WDR41: variants seen among roughly 807,000 people sequenced by gnomAD.
The protein encoded by WDR41 is WD repeat-containing protein 41.
A neutral mutation model predicts 69.3 loss-of-function variants in WDR41; 63 were observed. That is an observed-to-expected ratio of 0.91 (90% CI 0.74 to 1.12). The LOEUF (loss-of-function observed/expected upper bound fraction) is 1.12. WDR41 is among the 50% of genes most tolerant of loss of function. WDR41 has a pLI of 0.00. For missense variants in WDR41, 543 were observed against 534.5 expected, an observed-to-expected ratio of 1.02 and a Z score of -0.16; for synonymous variants, 185 against 192.1, an observed-to-expected ratio of 0.96 and a Z score of 0.31.
intron 6 of WDR41, among the ~76,000 whole-genome samples, chr5:77,453,384 G>A (rs973653963): frequency 5.9e-5 from 9 of 152,094 alleles, no homozygotes; most frequent in African/African-American, 1.4e-4. Flanking sequence ...AACCAAAATC[G>A]TATGTACACA....
At chr5:77,610,502 A>C (rs1235511935) in intron 1 of WDR41, among the ~76,000 whole-genome samples, 1 of 152,286 alleles carries the variant, frequency 6.6e-6, no homozygotes, top group African/African-American at 2.4e-5. Context: ...GCCAATATTC[A>C]ACATTCTTAA....
rs754331027 is a variant in WDR41 at position 77,433,235 on chromosome 5, AGAT to A, written c.1277_1279del (p.His426del). 49 of 1,613,948 alleles carry A rather than the reference AGAT, an allele frequency of 3.0e-5. No homozygotes were observed. Among genetic ancestry groups the A allele is most frequent in the Non-Finnish European group, 4.0e-5 (47 of 1,179,952 alleles). ...CTCTCCATTTTTCCACAAAATAATG[AGAT>A]GATCAGCGGAGCACGTCACTAGTCC... On this transcript the variant is annotated inframe_deletion, in exon 13 of 13. Transcript: ENST00000296679.
At chr5:77,499,726 C>T (rs917831268) in intron 1 of WDR41, 3 of 152,288 alleles carry the variant, frequency 2.0e-5, no homozygotes, top group Non-Finnish European at 2.9e-5. Context: ...AGGAAAGCAA[C>T]CCCAATTACT....
intron 1 of WDR41, among the ~76,000 whole-genome samples, chr5:77,556,629 TC>T (rs1188458392): frequency 6.6e-6 from 1 of 152,212 alleles, no homozygotes; most frequent in Non-Finnish European, 1.5e-5. Context: ...AGCTGGTTAT[TC>T]ATGTGGGGAA....
intron 1 of WDR41, among the ~76,000 whole-genome samples, chr5:77,572,807 T>G (rs12697867): frequency 0.32 from 49,253 of 152,090 alleles, 9,061 homozygotes; most frequent in African/African-American, 0.48. Flanking sequence ...ATACCTGTTA[T>G]GGATTGAGTT....
intron 1 of WDR41, among the ~76,000 whole-genome samples, chr5:77,578,211 A>G (rs1743868054): frequency 6.6e-6 from 1 of 152,178 alleles, no homozygotes; most frequent in Non-Finnish European, 1.5e-5. Flanking sequence ...AGCAATACGT[A>G]CCCCCAGGGA....
intron 1 of WDR41, chr5:77,540,657 T>C (rs1404508404): frequency 7.1e-6 from 1 of 141,490 alleles, no homozygotes; most frequent in African/African-American, 2.7e-5. Flanking sequence ...CTTTGGGCCA[T>C]GATCACGCCA....
chr5:77,432,460 T>C lies in WDR41; in HGVS notation c.*675A>G, dbSNP rs913852138. The C allele has an allele frequency of 6.6e-6, 1 of 152,588 alleles. No individual in the cohort carries two copies. Among genetic ancestry groups the C allele is most frequent in the Non-Finnish European group, 1.5e-5 (1 of 68,040 alleles). 9.5% of individuals were successfully genotyped at this position (152,588 alleles called of 1,614,324 possible). On this transcript the variant is annotated 3_prime_UTR_variant, in exon 13 of 13. Transcript: ENST00000296679. ...CTCTCAAATGATCTAGAGCTCATCC[T>C]TGGCGTACATGAGGGGCAGTTGTTG... is the stretch of plus-strand genomic sequence containing the variant.
chr5:77,503,190 C>CAAAAAAAA (rs144057313), intron 1 of WDR41, among the ~76,000 whole-genome samples: 6 of 74,310 alleles, frequency 8.1e-5, no homozygotes, highest in East Asian at 5.3e-4. Context: ...AAATGGAAAG[C>CAAAAAAAA]AAAAAAAAAA....
intron 2 of WDR41, among the ~76,000 whole-genome samples, chr5:77,475,181 C>G (rs183452691): frequency 6.6e-6 from 1 of 152,206 alleles, no homozygotes; most frequent in East Asian, 1.9e-4. Context: ...CACAGAGTCT[C>G]GCTAATTGCT....
chr5:77,475,787 G>C (rs1183683680), intron 2 of WDR41, among the ~76,000 whole-genome samples: 6 of 152,178 alleles, frequency 3.9e-5, no homozygotes, highest in South Asian at 2.1e-4. Flanking sequence ...AAGGAACGCA[G>C]TTCCTCACCA....
At chr5:77,483,604 A>G (rs1801386445) in intron 2 of WDR41, among the ~76,000 whole-genome samples, 1 of 151,944 alleles carries the variant, frequency 6.6e-6, no homozygotes, top group African/African-American at 2.4e-5. Context: ...AGCCCTGATC[A>G]ATGAATCTAA....
chr5:77,530,116 C>T (rs1802505896), intron 1 of WDR41, among the ~76,000 whole-genome samples: 1 of 151,452 alleles, frequency 6.6e-6, no homozygotes, highest in South Asian at 2.1e-4. Context: ...ATTAAAACCA[C>T]GATAAGAGAC....
chr5:77,484,365 TTCAA>T (rs767607774), intron 2 of WDR41, among the ~76,000 whole-genome samples: 1 of 152,126 alleles, frequency 6.6e-6, no homozygotes, highest in Non-Finnish European at 1.5e-5. Context: ...ACAACAGAAA[TTCAA>T]TCAACACATT....
chr5:77,580,669 AAGT>A lies in WDR41; in HGVS notation c.42+39807_42+39809del, dbSNP rs1561230044. Among the ~76,000 whole-genome samples, 6 of 152,250 alleles carry A rather than the reference AAGT, an allele frequency of 3.9e-5. No homozygotes were observed. In the South Asian group the frequency reaches 1.2e-3, roughly 32 times the overall value. ...GGAAAAAAAATATATAAAAAATAAA[AAGT>A]AGGCTGGGCACGGTGGTTCATGCGT... On this transcript the variant is annotated intron_variant, in intron 1 of 5. Transcript: ENST00000509971.
chr5:77,560,227 A>G (rs766389870), intron 1 of WDR41, among the ~76,000 whole-genome samples: 24 of 152,208 alleles, frequency 1.6e-4, no homozygotes, highest in Non-Finnish European at 3.1e-4. Context: ...TTGCTGAAGT[A>G]TGAGTCTCTT....
intron 9 of WDR41, among the ~76,000 whole-genome samples, chr5:77,439,974 A>G (rs3101869): frequency 0.59 from 89,526 of 151,984 alleles, 28,123 homozygotes; most frequent in African/African-American, 0.8. Flanking sequence ...ATCTTTGAAT[A>G]TATTAGTGTT....
At chr5:77,457,349 C>T (rs1799876134) in intron 5 of WDR41, among the ~76,000 whole-genome samples, 1 of 152,034 alleles carries the variant, frequency 6.6e-6, no homozygotes, top group Non-Finnish European at 1.5e-5. Context: ...TAACATTTTA[C>T]CACTAGCATT....
chr5:77,460,279 CTA>C (rs1270357831), intron 4 of WDR41, among the ~76,000 whole-genome samples: 1 of 152,290 alleles, frequency 6.6e-6, no homozygotes, highest in African/African-American at 2.4e-5. Flanking sequence ...CATCTATATT[CTA>C]TGTCATGCTT....
Sources: gnomAD v4.1 joint callset for allele counts (sites outside exome capture counted in the v4.1 genomes callset) on GRCh38, gnomAD v4.1.1 for gene constraint, MANE v1.5 for transcripts, NCBI Gene and HGNC (gene_info 2026-07-23, HGNC 2026-07-21) for gene names.